MED23: variants seen among roughly 807,000 people sequenced by gnomAD.
MED23 encodes mediator complex subunit 23.
A neutral mutation model predicts 163.9 loss-of-function variants in MED23; 105 were observed. The ratio of observed to expected loss-of-function variants is 0.64; its 90% CI spans 0.55 to 0.75. The LOEUF is 0.75. Ranked by LOEUF, MED23 falls within the 30% of genes least tolerant of loss-of-function variation. MED23 has a pLI of 0.00. For synonymous variants in MED23, 561 were observed against 565.6 expected (o/e 0.99, Z 0.12); for missense variants, 1,054 against 1,649.0 (o/e 0.64, Z 6.25).
chr6:131,577,871 C>G (rs1773698961), intron 30 of MED23, among the ~76,000 whole-genome samples: 1 of 149,994 alleles, frequency 6.7e-6, no homozygotes, highest in African/African-American at 2.5e-5. Context: ...GCCACTGCAC[C>G]CCAACCTGGG....
chr6:131,605,874 A>T (rs928274420), intron 13 of MED23, among the ~76,000 whole-genome samples: 6 of 152,242 alleles, frequency 3.9e-5, no homozygotes, highest in African/African-American at 1.4e-4. Context: ...GGGCTGTCTC[A>T]TAAAATGAAA....
At chr6:131,575,053 T>C (rs1773549129) in intron 30 of MED23, among the ~76,000 whole-genome samples, 1 of 152,100 alleles carries the variant, frequency 6.6e-6, no homozygotes, top group Admixed American at 6.6e-5. Flanking sequence ...GACAAAGCAA[T>C]TTCCAAAGTG....
chr6:131,611,085 AAT>A (rs1342680142), intron 10 of MED23, among the ~76,000 whole-genome samples: 3 of 152,162 alleles, frequency 2.0e-5, no homozygotes, highest in African/African-American at 7.2e-5. Context: ...TTCCTTTATA[AAT>A]ATGTTATATG....
chr6:131,590,050 C>A (rs1774483074), intron 27 of MED23, among the ~76,000 whole-genome samples: 1 of 152,162 alleles, frequency 6.6e-6, no homozygotes, highest in Non-Finnish European at 1.5e-5. Flanking sequence ...TTTTAATTAG[C>A]TCCTCTGCAC....
At chr6:131,582,725 T>C (rs527679047), downstream of MED23, 6 of 1,610,350 alleles carry the variant, frequency 3.7e-6, no homozygotes, top group African/African-American at 5.3e-5. Context: ...AGTAAGCTTA[T>C]TCCTTGATGT....
downstream of MED23, chr6:131,584,138 T>G (rs1774083272): frequency 1.9e-6 from 1 of 537,616 alleles, no homozygotes; most frequent in South Asian, 2.2e-5. Flanking sequence ...GACTTATCCT[T>G]AGAAAGAGAA....
chr6:131,615,315 T>G (rs1321372869), intron 10 of MED23: 1 of 1,611,252 alleles, frequency 6.2e-7, no homozygotes, highest in Non-Finnish European at 8.5e-7. Context: ...AGTAAGGTTG[T>G]GAACATACCT....
chr6:131,579,150 A>G (rs147146526), intron 30 of MED23: 35 of 1,614,076 alleles, frequency 2.2e-5, no homozygotes, highest in Non-Finnish European at 2.9e-5. Context: ...CCCTTTGCTG[A>G]CATCCCTAAT....
At chr6:131,583,168 G>A (rs371976737), downstream of MED23, 16 of 1,612,298 alleles carry the variant, frequency 9.9e-6, no homozygotes, top group African/African-American at 1.7e-4. Flanking sequence ...TAGGAAGGTA[G>A]GATTCTTTTG....
Position 131,596,681 on chromosome 6 carries a change from C to T in MED23, c.2615G>A (p.Arg872His), listed in dbSNP as rs1357020662. The change falls in exon 21 of 29, where the codon CGT becomes CAT. Residue 872 changes from arginine to histidine, a missense_variant. Around this residue, in one of 11 missense-constraint regions of MED23, gnomAD observed 228 missense variants for 461.3 expected, o/e 0.49. Transcript: ENST00000368068. ...LDRLILCLAM[R>H]SHEGNEAQVC... is the part of the protein sequence containing the mutation. ...CTGGGCTTCATTTCCTTCGTGACTA[C>T]GCATGGCCTTTGAAAAACAACAGAA... The T allele has an allele frequency of 5.0e-6, 8 of 1,613,800 alleles. No individual in the cohort carries two copies. Among genetic ancestry groups the T allele is most frequent in the South Asian group, 1.1e-5 (1 of 91,086 alleles).
chr6:131,591,839 T>C (rs760492910), intron 25 of MED23: 5 of 313,024 alleles, frequency 1.6e-5, no homozygotes, highest in Non-Finnish European at 3.0e-5. Flanking sequence ...TAATAAACTT[T>C]AAAAAAATAT....
chr6:131,580,945 C>T (rs1032127949), intron 30 of MED23, among the ~76,000 whole-genome samples: 1 of 152,104 alleles, frequency 6.6e-6, no homozygotes, highest in African/African-American at 2.4e-5. Context: ...TGGCTACGCT[C>T]TAATCGTGGT....
At chr6:131,621,369 G>A (rs954368902) in intron 6 of MED23, among the ~76,000 whole-genome samples, 1 of 151,700 alleles carries the variant, frequency 6.6e-6, no homozygotes, top group African/African-American at 2.4e-5. Context: ...ACAGACAATT[G>A]CTACTTGTCA....
chr6:131,601,800 T>C (rs1180576659), intron 17 of MED23, among the ~76,000 whole-genome samples: 1 of 152,154 alleles, frequency 6.6e-6, no homozygotes, highest in Non-Finnish European at 1.5e-5. Context: ...ACATCATATA[T>C]TAACATGTAA....
chr6:131,575,618 C>A (rs1338378923), intron 30 of MED23, among the ~76,000 whole-genome samples: 1 of 152,188 alleles, frequency 6.6e-6, no homozygotes, highest in African/African-American at 2.4e-5. Flanking sequence ...GATGCCACAG[C>A]CCCAATCCTA....
rs1315718687 is a variant in MED23, at chr6:131,587,576, C to T, written c.*103G>A. On this transcript the variant is annotated 3_prime_UTR_variant, in exon 29 of 29. Coordinates refer to ENST00000368068, the MANE Select transcript of MED23 (RefSeq NM_004830.4). ...TAAAACAATCTGAATATCATCACTG[C>T]TTCTACTATATCACTACAGTGTGAT... The T allele has an allele frequency of 6.3e-7, 1 of 1,577,594 alleles. No homozygotes were observed. The highest frequency in any genetic ancestry group is 8.6e-7 in the Non-Finnish European group (1 of 1,160,730).
chr6:131,590,428 A>G lies in MED23; in HGVS notation c.3701T>C (p.Val1234Ala), dbSNP rs944035388. Reference protein sequence around the residue: ...LSLIPKFLTEVLLPIVKTEFQ... With the variant: ...LSLIPKFLTEALLPIVKTEFQ... ...TTCGGTCTTCACTATAGGAAGAAGT[A>G]CTTCAGTAAGAAACCTAAAATTTGA... The change falls in exon 27 of 29, where the codon GTA becomes GCA. Residue 1234 changes from valine to alanine, a missense_variant. By Grantham distance (64) the Val-to-Ala change is moderately conservative. This residue lies in a region of MED23 where 362 missense variants were observed against 471.6 expected (regional missense o/e 0.77). Coordinates refer to ENST00000368068, the MANE Select transcript of MED23 (RefSeq NM_004830.4). 2 of 1,604,532 alleles carry G rather than the reference A, an allele frequency of 1.2e-6. No homozygotes were observed. The highest frequency in any genetic ancestry group is 2.7e-5 in the African/African-American group (2 of 74,694).
chr6:131,627,759 C>G (rs1158001371), intron 1 of MED23, 87 bp from the exon 2 acceptor site: 1 of 1,278,704 alleles, frequency 7.8e-7, no homozygotes, highest in African/African-American at 1.5e-5. Context: ...TAACACAGGG[C>G]AAGTCACCTT....
At position 131,610,113 on chromosome 6, in the gene MED23, T is replaced by C; in HGVS notation, c.1010A>G (p.Gln337Arg). 1 of 1,614,038 alleles carries C rather than the reference T, an allele frequency of 6.2e-7. No individual in the cohort carries two copies. The highest frequency in any genetic ancestry group is 8.5e-7 in the Non-Finnish European group (1 of 1,179,956). ...SQLLWQHLSS[Q>R]LIFFVLFQFA... The stretch of plus-strand genomic sequence containing the variant: ...CTGGAAAAGCACAAAGAAAATGAGC[T>C]GACTTGAGAGATGCTGCCACAGGAG... The change falls in exon 11 of 29, where the codon CAG becomes CGG. Residue 337 changes from glutamine to arginine, a missense_variant. Gln to Arg is a conservative substitution (Grantham distance 43). This residue lies in a region of MED23 where 61 missense variants were observed against 154.2 expected (regional missense o/e 0.40). Coordinates refer to ENST00000368068, the MANE Select transcript of MED23 (RefSeq NM_004830.4).
Sources: gnomAD v4.1 joint callset for allele counts (sites outside exome capture counted in the v4.1 genomes callset) on GRCh38, gnomAD v4.1.1 for gene constraint, gnomAD v4.1.1 regional missense constraint, MANE v1.5 for transcripts, NCBI Gene and HGNC (gene_info 2026-07-23, HGNC 2026-07-21) for gene names.